FBXO9: variants seen among roughly 807,000 people sequenced by gnomAD.
The protein encoded by FBXO9 is F-box protein 9.
A neutral mutation model predicts 63.7 loss-of-function variants in FBXO9; 43 were observed. The observed-to-expected ratio is 0.67, with a 90% CI of 0.53 to 0.87. FBXO9 has a LOEUF of 0.87. Ranked by LOEUF, FBXO9 falls within the 40% of genes least tolerant of loss-of-function variation. The pLI, the probability that FBXO9 is intolerant of heterozygous loss-of-function variation, is 0.00. For missense variants in FBXO9, 442 were observed against 533.2 expected, an observed-to-expected ratio of 0.83 and a Z score of 1.68; for synonymous variants, 156 against 171.7, an observed-to-expected ratio of 0.91 and a Z score of 0.72.
Position 53,099,755 on chromosome 6 carries a change from AAG to A in FBXO9, c.*1930_*1931del, listed in dbSNP as rs963463263. ...AGACCCTGTCTCAAAAAAGAAAAAAAAGAGAGGTTGGCCTTTTGTAGCAATCT... is the reference window on the plus strand; with the variant it reads ...AGACCCTGTCTCAAAAAAGAAAAAAAAGAGGTTGGCCTTTTGTAGCAATCT... On this transcript the variant is annotated 3_prime_UTR_variant, in exon 13 of 13. Coordinates refer to ENST00000323557, the MANE Select transcript of FBXO9 (RefSeq NM_033480.3). The A allele has an allele frequency of 6.6e-6, 1 of 152,260 alleles. No homozygotes were observed. The allele number at this position is 152,260 out of a possible 1,614,324, so 9.4% of individuals were successfully genotyped here. A position where few individuals can be genotyped will look rare whatever the true frequency, so the allele number is the denominator to read the frequency against.
intron 7 of FBXO9, among the ~76,000 whole-genome samples, chr6:53,088,740 A>G (rs1562072112): frequency 6.6e-6 from 1 of 151,242 alleles, no homozygotes; most frequent in Non-Finnish European, 1.5e-5. Flanking sequence ...CCGAGATTAC[A>G]GGCATGCACC....
chr6:53,066,184 G>T, intron 1 of FBXO9: 1 of 1,009,254 alleles, frequency 9.9e-7, no homozygotes, highest in Non-Finnish European at 1.2e-6. Flanking sequence ...TCGGGAGGGA[G>T]CTCTGGCAAG....
intron 7 of FBXO9, among the ~76,000 whole-genome samples, chr6:53,087,503 A>G (rs764388152): frequency 3.3e-5 from 5 of 152,196 alleles, no homozygotes; most frequent in Non-Finnish European, 7.3e-5. Flanking sequence ...AAGGGGAGAG[A>G]GAACAGAAGG....
At chr6:53,068,661 T>TG (rs1477941806) in intron 1 of FBXO9, among the ~76,000 whole-genome samples, 8 of 145,914 alleles carry the variant, frequency 5.5e-5, no homozygotes, top group Non-Finnish European at 1.1e-4. Context: ...TGTGTTTTTT[T>TG]TTTTTTTTTG....
intron 1 of FBXO9, among the ~76,000 whole-genome samples, chr6:53,066,985 G>A (rs1768726529): frequency 6.6e-6 from 1 of 152,178 alleles, no homozygotes; most frequent in Admixed American, 6.5e-5. Flanking sequence ...CTGTAACACA[G>A]GGGAGAAGAA....
At chr6:53,071,860 A>G (rs1755918952) in intron 2 of FBXO9, among the ~76,000 whole-genome samples, 1 of 152,262 alleles carries the variant, frequency 6.6e-6, no homozygotes. Context: ...ATATGCAACT[A>G]TAAAGATGTT....
At chr6:53,088,724 G>A (rs528577330) in intron 7 of FBXO9, among the ~76,000 whole-genome samples, 6 of 149,780 alleles carry the variant, frequency 4.0e-5, no homozygotes, top group East Asian at 2.0e-4. Flanking sequence ...TCAGTCTCCC[G>A]AGTAGCCGAG....
In FBXO9 at chr6:53,065,526, C is replaced by T. The variant is rs1046875620; in HGVS notation, c.-264C>T. On this transcript the variant is annotated 5_prime_UTR_variant, in exon 1 of 13. Transcript: ENST00000323557. Reference sequence around the variant, plus strand: ...ATCCCCCGCCTCGGCTGGCAACGGGCGTCCCTCCACTCCCCGAGTCCCCGG... The same window carrying T: ...ATCCCCCGCCTCGGCTGGCAACGGGTGTCCCTCCACTCCCCGAGTCCCCGG... 2.6e-6 allele frequency: 1 copy of T among 391,262 alleles called. No individual in the cohort carries two copies. Among genetic ancestry groups the T allele is most frequent in the Non-Finnish European group, 4.5e-6 (1 of 220,930 alleles). The allele number at this position is 391,262 out of a possible 1,614,324, so 24.2% of individuals were successfully genotyped here.
rs761159029 is a variant in FBXO9 at position 53,075,734 on chromosome 6, A to ATTTTTTTTT, written c.250-750_250-749insTTTTTTTTT. 6.8e-4 allele frequency among the ~76,000 whole-genome samples: 56 copies of ATTTTTTTTT among 82,162 alleles called. 5 individuals are homozygous for ATTTTTTTTT. The highest frequency in any genetic ancestry group is 7.8e-4 in the African/African-American group (15 of 19,320). 53.9% of individuals were successfully genotyped at this position (82,162 alleles called of 152,430 possible). On this transcript the variant is annotated intron_variant, in intron 3 of 12. Coordinates refer to ENST00000323557, the MANE Select transcript of FBXO9 (RefSeq NM_033480.3). ...TAATTGGATTACATATATATATATAATTATTTTTTTTTTTTTTTTTTTTTT... is the reference window on the plus strand; with the variant it reads ...TAATTGGATTACATATATATATATAATTTTTTTTTTTATTTTTTTTTTTTTTTTTTTTTT...
At chr6:53,069,739 A>T (rs141147306) in intron 1 of FBXO9, among the ~76,000 whole-genome samples, 1 of 152,202 alleles carries the variant, frequency 6.6e-6, no homozygotes, top group Non-Finnish European at 1.5e-5. Flanking sequence ...AGCAATTACA[A>T]TGTGGACTTT....
chr6:53,094,547 A>G (rs571005479), intron 11 of FBXO9: 1 of 166,556 alleles, frequency 6.0e-6, no homozygotes, highest in East Asian at 1.8e-4. Context: ...ATCCTGGTTA[A>G]AAATTGTTAT....
At chr6:53,066,366 G>C (rs1211461333) in intron 1 of FBXO9, among the ~76,000 whole-genome samples, 1 of 152,220 alleles carries the variant, frequency 6.6e-6, no homozygotes, top group African/African-American at 2.4e-5. Context: ...TCGTCTCCGC[G>C]GCGTCGGTGC....
In FBXO9 at chr6:53,097,705, G is replaced by A; in HGVS notation, c.1206-17G>A. The A allele has an allele frequency of 6.6e-7, 1 of 1,509,402 alleles. No homozygotes were observed. Among genetic ancestry groups the A allele is most frequent in the Non-Finnish European group, 9.1e-7 (1 of 1,098,950 alleles). 93.5% of individuals were successfully genotyped at this position (1,509,402 alleles called of 1,614,324 possible). A position where few individuals can be genotyped will look rare whatever the true frequency, so the allele number is the denominator to read the frequency against. Reference sequence around the variant, plus strand: ...GAAATTTCCTCATACTAGTAATTTTGTGCTTTTTTTTTACAGATCAACTGG... The same window carrying A: ...GAAATTTCCTCATACTAGTAATTTTATGCTTTTTTTTTACAGATCAACTGG... On this transcript the variant is annotated splice_polypyrimidine_tract_variant and intron_variant, in intron 12 of 12. Transcript: ENST00000323557.
chr6:53,095,798 A>G, intron 12 of FBXO9, 134 bp downstream of exon 12: 1 of 792,616 alleles, frequency 1.3e-6, no homozygotes, highest in Non-Finnish European at 1.8e-6. Flanking sequence ...ACTACTACAA[A>G]CTACTACAAA....
At chr6:53,065,141 T>C (rs1768636334), upstream of FBXO9, 1 of 152,246 alleles carries the variant, frequency 6.6e-6, no homozygotes, top group Non-Finnish European at 1.5e-5. Flanking sequence ...AAGCGTCCAG[T>C]TCGATGCTTC....
In FBXO9 at chr6:53,074,099, T is replaced by C. The variant is rs190758857; in HGVS notation, c.249+460T>C. Among the ~76,000 whole-genome samples the C allele has an allele frequency of 4.3e-4, 65 of 152,370 alleles. 1 individual carries two copies. In the East Asian group the frequency reaches 0.011, roughly 26 times the overall value. On this transcript the variant is annotated intron_variant, in intron 3 of 12. Transcript: ENST00000323557. ...TGATCAGCTTACAATAATGCATTAA[T>C]CATTTCCTTATTCTGGAAAATTTTG... is the stretch of plus-strand genomic sequence containing the variant.
intron 3 of FBXO9, among the ~76,000 whole-genome samples, chr6:53,075,872 T>C (rs1769089939): frequency 6.7e-6 from 1 of 149,388 alleles, no homozygotes; most frequent in Non-Finnish European, 1.5e-5. Flanking sequence ...GCCTCCAGAG[T>C]AGCTGAGACT....
intron 1 of FBXO9, 117 bp downstream of exon 1, chr6:53,065,909 G>A: frequency 8.3e-7 from 1 of 1,198,876 alleles, no homozygotes; most frequent in Non-Finnish European, 1.1e-6. Context: ...GGAGCTTCAC[G>A]GCTGCCACCC....
Position 53,065,759 on chromosome 6 carries a change from C to T in FBXO9, c.-31C>T. ...GGCGGTGCAGAGGGGGCACGGAGAG[C>T]CCCTCGAGCGCAGCAGGCCGCCCCG... On this transcript the variant is annotated 5_prime_UTR_variant, in exon 1 of 13. Coordinates refer to ENST00000323557, the MANE Select transcript of FBXO9 (RefSeq NM_033480.3). The T allele has an allele frequency of 2.1e-6, 3 of 1,408,378 alleles. No individual in the cohort carries two copies. Among genetic ancestry groups the T allele is most frequent in the Non-Finnish European group, 2.8e-6 (3 of 1,081,598 alleles). The allele number at this position is 1,408,378 out of a possible 1,614,324, so 87.2% of individuals were successfully genotyped here.
Sources: gnomAD v4.1 joint callset for allele counts (sites outside exome capture counted in the v4.1 genomes callset) on GRCh38, gnomAD v4.1.1 for gene constraint, MANE v1.5 for transcripts, NCBI Gene and HGNC (gene_info 2026-07-23, HGNC 2026-07-21) for gene names.